OSBPL6: variants seen among roughly 807,000 people sequenced by gnomAD.
The protein encoded by OSBPL6 is oxysterol-binding protein-related protein 6.
In OSBPL6, 49 loss-of-function variants were observed where a neutral mutation model predicts 125.8. That is an observed-to-expected ratio of 0.39 (90% CI 0.31 to 0.49). The LOEUF (loss-of-function observed/expected upper bound fraction) is 0.49, where lower values mean the gene tolerates loss of function less well. Among genes scored for constraint, OSBPL6 ranks in the 20% least tolerant of loss-of-function variants. The probability of loss-of-function intolerance (pLI) is 0.88; values close to 1 mark genes in which losing one functional copy is unlikely to be tolerated. For missense variants in OSBPL6, 986 were observed against 1,135.4 expected (o/e 0.87, Z 1.89); for synonymous variants, 394 against 391.8 (o/e 1.01, Z -0.07).
chr2:178,290,009 G>A (rs188535725), intron 2 of OSBPL6, among the ~76,000 whole-genome samples: 68 of 152,246 alleles, frequency 4.5e-4, no homozygotes, highest in Non-Finnish European at 6.6e-4. Flanking sequence ...ACCGTGTTTC[G>A]GGGAAGAACA....
intron 13 of OSBPL6, among the ~76,000 whole-genome samples, chr2:178,365,111 G>C (rs1438164446): frequency 2.6e-5 from 4 of 152,158 alleles, no homozygotes; most frequent in Admixed American, 2.6e-4. Flanking sequence ...AGGAGGTGGA[G>C]GTTGCAATGA....
chr2:178,266,030 G>A (rs1375464627), intron 1 of OSBPL6, among the ~76,000 whole-genome samples: 8 of 152,170 alleles, frequency 5.3e-5, no homozygotes, highest in Non-Finnish European at 7.3e-5. Flanking sequence ...GGGAACTGAC[G>A]GTTAGGCTGA....
intron 11 of OSBPL6, among the ~76,000 whole-genome samples, chr2:178,341,791 G>C (rs1690223867): frequency 6.6e-6 from 1 of 152,138 alleles, no homozygotes; most frequent in Admixed American, 6.5e-5. Context: ...ACACAGCAGA[G>C]CTTGGTCCTA....
chr2:178,354,393 T>C (rs956449290), intron 12 of OSBPL6, among the ~76,000 whole-genome samples: 8 of 151,900 alleles, frequency 5.3e-5, no homozygotes, highest in Non-Finnish European at 4.4e-5. Context: ...TGGAGGAAGA[T>C]CTACCAAGCA....
chr2:178,329,821 A>C (rs1689039036), intron 5 of OSBPL6, among the ~76,000 whole-genome samples: 2 of 152,202 alleles, frequency 1.3e-5, no homozygotes, highest in South Asian at 4.1e-4. Flanking sequence ...ATCTCAGGGC[A>C]GATAAATTTA....
At chr2:178,284,502 G>A (rs1227625064) in intron 1 of OSBPL6, among the ~76,000 whole-genome samples, 2 of 151,740 alleles carry the variant, frequency 1.3e-5, no homozygotes, top group Non-Finnish European at 2.9e-5. Context: ...GCAGTGAGCC[G>A]AGATCACACC....
intron 3 of OSBPL6, among the ~76,000 whole-genome samples, chr2:178,317,907 G>GATAT (rs1687902288): frequency 6.6e-6 from 1 of 152,182 alleles, no homozygotes; most frequent in East Asian, 1.9e-4. Flanking sequence ...CAGAGCGTTA[G>GATAT]CTCTTGATAT....
In OSBPL6 at chr2:178,339,701, C is replaced by G; in HGVS notation, c.924C>G (p.Asp308Glu). 1.9e-6 allele frequency: 3 copies of G among 1,605,462 alleles called. No individual in the cohort carries two copies. Among genetic ancestry groups the G allele is most frequent in the Non-Finnish European group, 2.6e-6 (3 of 1,176,370 alleles). ...ACTGTGTAGATATTTCAAAGAAAGA[C>G]AAGCGGGTCACAAGACGATGGAGAA... The part of the protein sequence containing the change: ...QANCVDISKK[D>E]KRVTRRWRTK... Residue 308 changes from aspartate (D) to glutamate (E), a missense_variant, in exon 11 of 25, where the codon GAC becomes GAG. By Grantham distance (45) the Asp-to-Glu change is conservative. Coordinates refer to ENST00000190611, the MANE Select transcript of OSBPL6 (RefSeq NM_032523.4).
intron 15 of OSBPL6, 77 bp downstream of exon 15, chr2:178,374,104 C>A: frequency 6.7e-7 from 1 of 1,485,690 alleles, no homozygotes; most frequent in Non-Finnish European, 9.1e-7. Context: ...AACTGTGGAA[C>A]TTTTTGGTGA....
At chr2:178,231,699 T>G (rs563737577) in intron 1 of OSBPL6, among the ~76,000 whole-genome samples, 1 of 139,742 alleles carries the variant, frequency 7.2e-6, no homozygotes, top group African/African-American at 2.8e-5. Flanking sequence ...TAGGCTGGAG[T>G]TAAGTGGCAT....
At chr2:178,324,878 G>A (rs1042629458) in intron 4 of OSBPL6, among the ~76,000 whole-genome samples, 3 of 152,176 alleles carry the variant, frequency 2.0e-5, no homozygotes, top group African/African-American at 7.2e-5. Context: ...ATGCTTGTCA[G>A]CTCTTCCCAA....
chr2:178,312,094 G>C (rs1376023277), intron 3 of OSBPL6, among the ~76,000 whole-genome samples: 3 of 151,468 alleles, frequency 2.0e-5, no homozygotes, highest in Admixed American at 2.0e-4. Flanking sequence ...TGATTCTCCT[G>C]CCTCAGCCTC....
chr2:178,234,811 G>T (rs2090980688), intron 1 of OSBPL6, among the ~76,000 whole-genome samples: 1 of 152,246 alleles, frequency 6.6e-6, no homozygotes. Flanking sequence ...AAACCCATTT[G>T]CTTGGGCCCC....
At chr2:178,333,078 G>C in intron 8 of OSBPL6, 37 bp downstream of exon 8, 1 of 1,607,470 alleles carries the variant, frequency 6.2e-7, no homozygotes, top group East Asian at 2.2e-5. Context: ...CCTGAAAATT[G>C]CTTAGAAAAT....
At chr2:178,343,237 C>T (rs73032576) in intron 11 of OSBPL6, among the ~76,000 whole-genome samples, 172 of 152,032 alleles carry the variant, frequency 1.1e-3, no homozygotes, top group African/African-American at 3.8e-3. Context: ...AATTATTGCT[C>T]ATGGCTGGGC....
chr2:178,289,693 T>C (rs1183057879), intron 2 of OSBPL6, among the ~76,000 whole-genome samples: 3 of 152,250 alleles, frequency 2.0e-5, no homozygotes, highest in South Asian at 4.1e-4. Context: ...CATTTGGCTA[T>C]TGAGTCTCAT....
At chr2:178,326,800 C>T (rs1688731219) in intron 4 of OSBPL6, among the ~76,000 whole-genome samples, 1 of 152,138 alleles carries the variant, frequency 6.6e-6, no homozygotes, top group Non-Finnish European at 1.5e-5. Flanking sequence ...TTTTACTGGA[C>T]TTAGTAATAT....
At chr2:178,209,844 A>G (rs988110318) in intron 1 of OSBPL6, among the ~76,000 whole-genome samples, 7 of 151,824 alleles carry the variant, frequency 4.6e-5, no homozygotes, top group Non-Finnish European at 8.8e-5. Context: ...TGAAGGCTAC[A>G]GGTCTGGCTA....
chr2:178,227,247 T>C (rs1202387986), intron 1 of OSBPL6, among the ~76,000 whole-genome samples: 2 of 152,232 alleles, frequency 1.3e-5, no homozygotes, highest in African/African-American at 2.4e-5. Flanking sequence ...TGCAAGTCAC[T>C]GCCATAAAGA....
Sources: gnomAD v4.1 joint callset for allele counts (sites outside exome capture counted in the v4.1 genomes callset) on GRCh38, gnomAD v4.1.1 for gene constraint, MANE v1.5 for transcripts, NCBI Gene and HGNC (gene_info 2026-07-23, HGNC 2026-07-21) for gene names.